The following ENPP2 variants were observed in gnomAD, a reference collection of about 807,000 sequenced individuals.
The protein encoded by ENPP2 is autotaxin.
A neutral mutation model predicts 120.2 loss-of-function variants in ENPP2; 51 were observed. The observed-to-expected ratio is 0.42, with a 90% CI of 0.34 to 0.54. ENPP2 has a LOEUF of 0.54. ENPP2 is among the 20% of genes least tolerant of loss of function. The pLI is 0.04. For missense variants in ENPP2, 920 were observed against 1,066.5 expected (o/e 0.86, Z 1.91); for synonymous variants, 365 against 366.4 (o/e 1.00, Z 0.04).
At chr8:119,626,363 C>A (rs1387788029) in intron 3 of ENPP2, among the ~76,000 whole-genome samples, 1 of 152,144 alleles carries the variant, frequency 6.6e-6, no homozygotes, top group Admixed American at 6.5e-5. Context: ...TGCAAAGAAC[C>A]TTTCTCTGCT....
At position 119,621,532 on chromosome 8, in the gene ENPP2, C is replaced by A; in HGVS notation, c.293-13G>T. On this transcript the variant is annotated splice_polypyrimidine_tract_variant and intron_variant, in intron 3 of 24. Coordinates refer to ENST00000075322, the MANE Select transcript of ENPP2 (RefSeq NM_001040092.3). ...TCCCAGCCACGGGCTAAAATCATCC[C>A]AATAAAACATTTTCACTGCTGCACA... The A allele has an allele frequency of 6.2e-7, 1 of 1,611,680 alleles. No homozygotes were observed. Among genetic ancestry groups the A allele is most frequent in the South Asian group, 1.1e-5 (1 of 90,894 alleles).
At position 119,617,488 on chromosome 8, in the gene ENPP2, G is replaced by A; in HGVS notation, c.555C>T (p.Val185=). The A allele has an allele frequency of 6.2e-7, 1 of 1,611,548 alleles. No homozygotes were observed. The highest frequency in any genetic ancestry group is 8.5e-7 in the Non-Finnish European group (1 of 1,177,968). The change falls in exon 6 of 25, where the codon GTC becomes GTT. Residue 185 remains valine (V), a synonymous_variant. Transcript: ENST00000075322. ...TACTTAGTTTTTCAATATTAGGCAT[G>A]ACTTTGCTGCCTTTCTTCATGTATG... is the stretch of plus-strand genomic sequence containing the variant. ...RASYMKKGSK[V]MPNIEKLRSC...
At chr8:119,667,522 T>A (rs375116328) in intron 1 of ENPP2, among the ~76,000 whole-genome samples, 4 of 152,196 alleles carry the variant, frequency 2.6e-5, no homozygotes, top group African/African-American at 7.2e-5. Flanking sequence ...CTAAATCTTC[T>A]CTTTTGCAGG....
intron 8 of ENPP2, among the ~76,000 whole-genome samples, chr8:119,610,719 A>G (rs1023066370): frequency 6.6e-6 from 1 of 152,014 alleles, no homozygotes; most frequent in South Asian, 2.1e-4. Context: ...CCTGGCCAAC[A>G]TGGTGAAACC....
chr8:119,619,328 T>C (rs1220160036), intron 4 of ENPP2, 24 bp from the exon 5 acceptor site: 3 of 1,526,336 alleles, frequency 2.0e-6, no homozygotes, highest in Admixed American at 3.4e-5. Context: ...TGGGTAAATG[T>C]ATTGTTGAAT....
At chr8:119,662,710 C>T (rs1036993502) in intron 1 of ENPP2, among the ~76,000 whole-genome samples, 3 of 152,250 alleles carry the variant, frequency 2.0e-5, no homozygotes, top group South Asian at 4.2e-4. Flanking sequence ...CAAAAACAGG[C>T]AGGACAATAT....
intron 1 of ENPP2, among the ~76,000 whole-genome samples, chr8:119,667,269 C>A (rs1423177939): frequency 1.3e-5 from 2 of 152,210 alleles, no homozygotes; most frequent in Non-Finnish European, 2.9e-5. Flanking sequence ...CCTGGCTAAC[C>A]ATATTCCTGC....
intron 1 of ENPP2, among the ~76,000 whole-genome samples, chr8:119,670,560 A>G (rs997535202): frequency 4.6e-5 from 7 of 152,188 alleles, no homozygotes; most frequent in Non-Finnish European, 8.8e-5. Context: ...AGATATTTGT[A>G]ATAAAGAATG....
intron 3 of ENPP2, 74 bp downstream of exon 3, chr8:119,626,491 T>C (rs1816284392): frequency 7.8e-7 from 1 of 1,279,494 alleles, no homozygotes; most frequent in African/African-American, 1.6e-5. Context: ...GGGTGGCCAC[T>C]CCAGGATGCA....
At chr8:119,669,038 T>C (rs1818163635) in intron 1 of ENPP2, among the ~76,000 whole-genome samples, 1 of 152,246 alleles carries the variant, frequency 6.6e-6, no homozygotes, top group Non-Finnish European at 1.5e-5. Context: ...AAACAGATTA[T>C]AACTTATTGA....
At chr8:119,595,439 C>G (rs1260732264) in intron 11 of ENPP2, among the ~76,000 whole-genome samples, 1 of 152,154 alleles carries the variant, frequency 6.6e-6, no homozygotes, top group East Asian at 1.9e-4. Flanking sequence ...GTACAGACCC[C>G]TAATCTAAGC....
At chr8:119,623,171 A>AATT (rs1389501487) in intron 3 of ENPP2, among the ~76,000 whole-genome samples, 1 of 152,154 alleles carries the variant, frequency 6.6e-6, no homozygotes, top group Non-Finnish European at 1.5e-5. Flanking sequence ...TACATTAATA[A>AATT]AGAGATATTA....
At chr8:119,561,613 C>A (rs2129909207) in intron 24 of ENPP2, among the ~76,000 whole-genome samples, 1 of 152,270 alleles carries the variant, frequency 6.6e-6, no homozygotes, top group South Asian at 2.1e-4. Context: ...TGGCTCCTGT[C>A]TTCCTCCCTA....
intron 20 of ENPP2, 103 bp downstream of exon 20, chr8:119,570,602 A>G (rs1814882985): frequency 3.1e-6 from 2 of 644,388 alleles, no homozygotes; most frequent in Non-Finnish European, 5.1e-6. Flanking sequence ...TTAAGAAAAA[A>G]TAAAATATTT....
chr8:119,562,399 A>C, intron 24 of ENPP2, among the ~76,000 whole-genome samples: 1 of 152,068 alleles, frequency 6.6e-6, no homozygotes, highest in Non-Finnish European at 1.5e-5. Flanking sequence ...GCCAAGATCA[A>C]ACCACTGCAC....
rs115665644 is a variant in ENPP2 at position 119,651,912 on chromosome 8, G to A, written c.22-13385C>T. On this transcript the variant is annotated intron_variant, in intron 1 of 25. Coordinates refer to the ENPP2 transcript ENST00000427067. The stretch of plus-strand genomic sequence containing the variant: ...TTAGTAAGCATCCACTGCAGTATTA[G>A]CTAATGCTTATTGAAAGCTTACGCT... Among the ~76,000 whole-genome samples, 1,059 of 152,260 alleles carry A rather than the reference G, an allele frequency of 7.0e-3. 9 individuals carry two copies. Among genetic ancestry groups the A allele is most frequent in the African/African-American group, 0.025 (1,024 of 41,554 alleles).
chr8:119,604,671 T>C (rs186047610), intron 9 of ENPP2, among the ~76,000 whole-genome samples: 1 of 152,272 alleles, frequency 6.6e-6, no homozygotes, highest in Admixed American at 6.5e-5. Context: ...CCTTGTCTAG[T>C]CAATGTTGAA....
At chr8:119,588,282 C>A (rs532810371) in intron 13 of ENPP2, among the ~76,000 whole-genome samples, 1 of 152,150 alleles carries the variant, frequency 6.6e-6, no homozygotes, top group South Asian at 2.1e-4. Flanking sequence ...GTAATCCCAG[C>A]ACTTTGAGAG....
chr8:119,568,163 T>C lies in ENPP2; in HGVS notation c.2131+12A>G, dbSNP rs1167368681. ...CATAAATAACAGTGTATTAGGTAAATATTGGACTTACGTTTGAAAGCAGGA... is the reference window on the plus strand; with the variant it reads ...CATAAATAACAGTGTATTAGGTAAACATTGGACTTACGTTTGAAAGCAGGA... On this transcript the variant is annotated intron_variant, in intron 22 of 24. Transcript: ENST00000075322. The C allele has an allele frequency of 1.4e-6, 2 of 1,405,060 alleles. No homozygotes were observed. The allele number at this position is 1,405,060 out of a possible 1,614,324, so 87.0% of individuals were successfully genotyped here.
Sources: gnomAD v4.1 joint callset for allele counts (sites outside exome capture counted in the v4.1 genomes callset) on GRCh38, gnomAD v4.1.1 for gene constraint, MANE v1.5 for transcripts, NCBI Gene and HGNC (gene_info 2026-07-23, HGNC 2026-07-21) for gene names.